Variants in SLC9D1 observed in about 807,000 individuals in gnomAD.
SLC9D1 encodes the protein putative LAG1-interacting protein.
At chr13:113,547,424 G>C in the SLC9D1 span, 1 of 1,481,310 alleles carries the variant, frequency 6.8e-7, no homozygotes. Flanking sequence ...TGCAGGCTCA[G>C]CATAGCCCTC....
chr13:113,548,491 A>G, the SLC9D1 span: 1 of 1,574,660 alleles, frequency 6.4e-7, no homozygotes, highest in Non-Finnish European at 8.6e-7. Context: ...CTCGGGCGGC[A>G]CGGGCTGCAC....
At chr13:113,498,440 C>T in the SLC9D1 span, 199,590 of 1,585,900 alleles carry the variant, frequency 0.13, 15,384 homozygotes, top group African/African-American at 0.36. Context: ...CCATGCTTGA[C>T]GAGATTCTTG....
the SLC9D1 span, chr13:113,528,585 C>T: frequency 6.6e-4 from 100 of 152,246 alleles, no homozygotes; most frequent in Non-Finnish European, 1.3e-3. Flanking sequence ...TTGGGGAGGA[C>T]GTGGGAACAG....
the SLC9D1 span, chr13:113,534,655 G>A: frequency 4.8e-6 from 1 of 209,512 alleles, no homozygotes; most frequent in South Asian, 9.5e-5. Flanking sequence ...CTGGGGCGTG[G>A]TCGCGCTCAT....
At chr13:113,508,435 C>T in the SLC9D1 span, among the ~76,000 whole-genome samples, 4 of 152,176 alleles carry the variant, frequency 2.6e-5, no homozygotes, top group South Asian at 2.1e-4. Context: ...GCTCTTCGGC[C>T]GTGATATTCG....
At chr13:113,524,276 T>C in the SLC9D1 span, 2 of 423,700 alleles carry the variant, frequency 4.7e-6, no homozygotes, top group Middle Eastern at 6.9e-4. Context: ...CTCTTTTGTT[T>C]GGTACATACA....
chr13:113,500,967 A>G, the SLC9D1 span, among the ~76,000 whole-genome samples: 1 of 152,182 alleles, frequency 6.6e-6, no homozygotes, highest in East Asian at 1.9e-4. Context: ...TTTGTAATGA[A>G]TAATCAATTT....
chr13:113,534,579 A>G, the SLC9D1 span: 5 of 336,464 alleles, frequency 1.5e-5, no homozygotes, highest in Non-Finnish European at 2.7e-5. Context: ...ACTTGAGCTC[A>G]GAAGTTTGGG....
the SLC9D1 span, chr13:113,536,672 C>A: frequency 4.7e-6 from 3 of 637,904 alleles, no homozygotes; most frequent in Non-Finnish European, 5.9e-6. Flanking sequence ...GCACCTGCTG[C>A]CAGCTGCTTG....
At chr13:113,528,843 A>G in the SLC9D1 span, 1 of 152,232 alleles carries the variant, frequency 6.6e-6, no homozygotes, top group Non-Finnish European at 1.5e-5. Context: ...ATCAGTTCTT[A>G]TTCCTTCTGG....
the SLC9D1 span, among the ~76,000 whole-genome samples, chr13:113,521,019 G>A: frequency 2.6e-5 from 4 of 152,256 alleles, no homozygotes; most frequent in East Asian, 5.8e-4. Context: ...AATGAGTTCC[G>A]ATAGAAACAT....
the SLC9D1 span, among the ~76,000 whole-genome samples, chr13:113,516,003 T>C: frequency 2.0e-5 from 3 of 152,148 alleles, no homozygotes; most frequent in Non-Finnish European, 4.4e-5. Context: ...GTGGAATCTT[T>C]AGGATTTTCT....
the SLC9D1 span, among the ~76,000 whole-genome samples, chr13:113,515,614 G>A: frequency 6.6e-6 from 1 of 152,086 alleles, no homozygotes; most frequent in Admixed American, 6.6e-5. Flanking sequence ...GTAAGTGGCT[G>A]GGCACGGTGG....
At chr13:113,545,335 G>A in the SLC9D1 span, among the ~76,000 whole-genome samples, 10 of 152,354 alleles carry the variant, frequency 6.6e-5, no homozygotes, top group East Asian at 1.9e-3. Context: ...TGGGTGCTGT[G>A]GAGCCGGTGG....
chr13:113,491,446 C>T, the SLC9D1 span, among the ~76,000 whole-genome samples: 2 of 150,860 alleles, frequency 1.3e-5, no homozygotes, highest in African/African-American at 2.4e-5. Context: ...CTCTCCCTCC[C>T]CGGGGCTCCC....
chr13:113,520,536 A>T, the SLC9D1 span: 1 of 891,586 alleles, frequency 1.1e-6, no homozygotes, highest in Non-Finnish European at 1.7e-6. Context: ...TTATTTTGGA[A>T]GTGTGTACAA....
the SLC9D1 span, chr13:113,498,258 A>G: frequency 9.4e-7 from 1 of 1,066,946 alleles, no homozygotes; most frequent in Non-Finnish European, 1.3e-6. Context: ...GGGACATTTG[A>G]CAAAGCAGGA....
At chr13:113,510,503 T>C in the SLC9D1 span, 3 of 1,416,910 alleles carry the variant, frequency 2.1e-6, no homozygotes, top group East Asian at 2.3e-5. Context: ...GTTGAGGGCA[T>C]GTGAGGAAAA....
chr13:113,539,195 C>G, the SLC9D1 span, among the ~76,000 whole-genome samples: 1 of 152,200 alleles, frequency 6.6e-6, no homozygotes, highest in African/African-American at 2.4e-5. This position sits in a 1 kb window ranked among gnomAD's most constrained non-coding sequence, Gnocchi z 4.8. Flanking sequence ...TGTCACCTCT[C>G]AGACCCAGCA....
Sources: allele counts gnomAD v4.1 joint callset (sites outside exome capture counted in the v4.1 genomes callset), GRCh38; gene constraint gnomAD v4.1.1; non-coding constraint Gnocchi (gnomAD v3.1); transcripts MANE v1.5; gene names NCBI Gene and HGNC (gene_info 2026-07-23, HGNC 2026-07-21).